FRMD4B: variants seen among roughly 807,000 people sequenced by gnomAD.
The protein encoded by FRMD4B is FERM domain containing 4B.
A neutral mutation model predicts 141.5 loss-of-function variants in FRMD4B; 74 were observed. The observed-to-expected ratio is 0.52, with a 90% confidence interval of 0.43 to 0.63. The LOEUF is 0.63. Ranked by LOEUF, FRMD4B falls within the 30% of genes least tolerant of loss-of-function variation. The pLI is 0.00. For missense variants in FRMD4B, 1,366 were observed against 1,253.4 expected, an observed-to-expected ratio of 1.09 and a Z score of -1.36; for synonymous variants, 506 against 467.9, an observed-to-expected ratio of 1.08 and a Z score of -1.05.
intron 11 of FRMD4B, among the ~76,000 whole-genome samples, chr3:69,206,687 T>C (rs991625464): frequency 3.9e-5 from 6 of 152,218 alleles, no homozygotes; most frequent in African/African-American, 1.4e-4. Context: ...TTGTACCTAG[T>C]CTGGTTTTTA....
chr3:69,390,547 TC>T (rs1360120462), upstream of FRMD4B, among the ~76,000 whole-genome samples: 1 of 152,142 alleles, frequency 6.6e-6, no homozygotes, highest in African/African-American at 2.4e-5. Flanking sequence ...CAAAGGACTC[TC>T]CTGCCCAAAA....
At chr3:69,386,926 G>A (rs992490220), upstream of FRMD4B, among the ~76,000 whole-genome samples, 18 of 152,140 alleles carry the variant, frequency 1.2e-4, no homozygotes, top group Admixed American at 1.3e-4. Flanking sequence ...TCAGCCTCTG[G>A]ACATGTCTAA....
chr3:69,186,205 T>C (rs1349537766), intron 19 of FRMD4B, among the ~76,000 whole-genome samples: 9 of 151,822 alleles, frequency 5.9e-5, no homozygotes, highest in Non-Finnish European at 1.5e-5. Flanking sequence ...CATGGATTCA[T>C]GGTGCTATTT....
chr3:69,436,646 G>A (rs1422129011), intron 1 of FRMD4B, among the ~76,000 whole-genome samples: 2 of 152,150 alleles, frequency 1.3e-5, no homozygotes, highest in Non-Finnish European at 2.9e-5. Flanking sequence ...GTACACCAGT[G>A]TTCATAGAAA....
chr3:69,516,626 T>C (rs1700761271), intron 1 of FRMD4B, among the ~76,000 whole-genome samples: 1 of 152,190 alleles, frequency 6.6e-6, no homozygotes, highest in South Asian at 2.1e-4. Flanking sequence ...TATAATGCAA[T>C]AAATTTGCGC....
chr3:69,409,812 A>G (rs1449954118), intron 2 of FRMD4B, among the ~76,000 whole-genome samples: 1 of 152,218 alleles, frequency 6.6e-6, no homozygotes, highest in Non-Finnish European at 1.5e-5. Context: ...AAAAAGGAAG[A>G]AAATCTGACA....
chr3:69,385,962 C>G lies in FRMD4B; in HGVS notation c.28G>C (p.Glu10Gln). Residue 10 changes from glutamate to glutamine, a missense_variant, in exon 1 of 23, where the codon GAG (glutamate) becomes CAG (glutamine). Glu to Gln is a conservative substitution (Grantham distance 29). Coordinates refer to ENST00000398540, the MANE Select transcript of FRMD4B (RefSeq NM_015123.3). The stretch of plus-strand genomic sequence containing the variant: ...CGGCTGCCGCTGAACAGCAGGTCCT[C>G]CACGCCACACATGAACACCGAAGCC... MASVFMCGVEDLLFSGSRFV... is the reference protein window; with the variant it reads MASVFMCGVQDLLFSGSRFV... The G allele has an allele frequency of 6.2e-7, 1 of 1,604,620 alleles. No homozygotes were observed. Among genetic ancestry groups the G allele is most frequent in the East Asian group, 2.3e-5 (1 of 44,320 alleles).
intron 1 of FRMD4B, among the ~76,000 whole-genome samples, chr3:69,336,179 C>T (rs1236565200): frequency 1.3e-5 from 2 of 152,152 alleles, no homozygotes; most frequent in Non-Finnish European, 2.9e-5. Flanking sequence ...GGAGGTTGGT[C>T]ACCAAGAGGG....
At chr3:69,385,805 G>C (rs1353462002) in intron 1 of FRMD4B, 23 bp downstream of exon 1, 3 of 1,521,562 alleles carry the variant, frequency 2.0e-6, no homozygotes, top group South Asian at 1.3e-5. Flanking sequence ...TGGGGCCCTC[G>C]GGTGCCGCGC....
intron 1 of FRMD4B, among the ~76,000 whole-genome samples, chr3:69,460,200 C>T (rs1049164434): frequency 6.6e-6 from 1 of 152,260 alleles, no homozygotes; most frequent in East Asian, 1.9e-4. Flanking sequence ...AAAGGGAAGG[C>T]GTTCTGGCAT....
intron 1 of FRMD4B, among the ~76,000 whole-genome samples, chr3:69,526,639 A>C (rs560006607): frequency 6.6e-6 from 1 of 152,142 alleles, no homozygotes; most frequent in Non-Finnish European, 1.5e-5. Context: ...TTTCTGGTCT[A>C]TTAAATGAGG....
In FRMD4B at chr3:69,196,250, G is replaced by T; in HGVS notation, c.1234+5C>A. ...CTTGCACGTTCTCTAATCCCAAGATGTTACCTGAGGAGATTAAACTGCCAT... is the reference window on the plus strand; with the variant it reads ...CTTGCACGTTCTCTAATCCCAAGATTTTACCTGAGGAGATTAAACTGCCAT... On this transcript the variant is annotated splice_donor_5th_base_variant and intron_variant, in intron 14 of 22. Transcript: ENST00000398540. 1 of 1,576,176 alleles carries T rather than the reference G, an allele frequency of 6.3e-7. No homozygotes were observed. Among genetic ancestry groups the T allele is most frequent in the Non-Finnish European group, 8.6e-7 (1 of 1,167,246 alleles).
chr3:69,507,731 GC>G (rs1192404746), intron 1 of FRMD4B, among the ~76,000 whole-genome samples: 1 of 152,080 alleles, frequency 6.6e-6, no homozygotes, highest in Non-Finnish European at 1.5e-5. Context: ...GTCAAAAATG[GC>G]CCAGGTTTGC....
intron 1 of FRMD4B, among the ~76,000 whole-genome samples, chr3:69,343,584 T>TTTTG (rs1559818237): frequency 1.3e-4 from 20 of 148,224 alleles, no homozygotes; most frequent in South Asian, 2.1e-4. Context: ...TTTGTTTTTT[T>TTTTG]TTTTTTTTTT....
At chr3:69,479,463 T>C (rs1390425323) in intron 1 of FRMD4B, among the ~76,000 whole-genome samples, 1 of 152,250 alleles carries the variant, frequency 6.6e-6, no homozygotes, top group Middle Eastern at 3.4e-3. Context: ...CCTTCACTTA[T>C]GAAGCTTAGT....
intron 7 of FRMD4B, among the ~76,000 whole-genome samples, chr3:69,225,311 C>G (rs1575629165): frequency 6.6e-6 from 1 of 151,858 alleles, no homozygotes; most frequent in East Asian, 1.9e-4. Flanking sequence ...GTAAGGTTAG[C>G]TATTATCTAA....
intron 11 of FRMD4B, among the ~76,000 whole-genome samples, chr3:69,208,792 G>T (rs187127214): frequency 6.6e-6 from 1 of 152,234 alleles, no homozygotes; most frequent in East Asian, 1.9e-4. Context: ...AACAAATACA[G>T]TGTGACAGAA....
At chr3:69,475,009 C>T (rs13089266) in intron 1 of FRMD4B, among the ~76,000 whole-genome samples, 27,770 of 152,064 alleles carry the variant, frequency 0.18, 2,754 homozygotes, top group Non-Finnish European at 0.22. Context: ...AAATGTCTTG[C>T]TGTTGGTTCC....
rs575687592 is a variant in FRMD4B, at chr3:69,295,174, A to G, written c.416+7169T>C. On this transcript the variant is annotated intron_variant, in intron 4 of 22. Coordinates refer to ENST00000398540, the MANE Select transcript of FRMD4B (RefSeq NM_015123.3). ...AGCTTCATTTCATAGGTGATGAAAC[A>G]GGCCCAAGAGGGTGCCAGAAGCTAC... 7.9e-5 allele frequency among the ~76,000 whole-genome samples: 12 copies of G among 152,342 alleles called. No homozygotes were observed. The South Asian group carries it at 2.5e-3, about 32-fold the overall frequency.
Sources: gnomAD v4.1 joint callset for allele counts (sites outside exome capture counted in the v4.1 genomes callset) on GRCh38, gnomAD v4.1.1 for gene constraint, MANE v1.5 for transcripts, NCBI Gene and HGNC (gene_info 2026-07-23, HGNC 2026-07-21) for gene names.